Variants in CDKAL1 observed in about 807,000 individuals in gnomAD.
CDKAL1 encodes the protein threonylcarbamoyladenosine tRNA methylthiotransferase.
Under a neutral mutation model 68.2 loss-of-function variants are expected in CDKAL1, and 32 were observed. The observed-to-expected ratio is 0.47, with a 90% confidence interval of 0.35 to 0.63. CDKAL1 has a LOEUF of 0.63. Ranked by LOEUF, CDKAL1 falls within the 30% of genes least tolerant of loss-of-function variation. The pLI is 0.00. For missense variants in CDKAL1, 606 were observed against 696.7 expected, an observed-to-expected ratio of 0.87 and a Z score of 1.47; for synonymous variants, 234 against 244.3, an observed-to-expected ratio of 0.96 and a Z score of 0.39.
intron 12 of CDKAL1, among the ~76,000 whole-genome samples, chr6:21,068,881 A>G (rs1297879402): frequency 6.6e-6 from 1 of 152,130 alleles, no homozygotes; most frequent in African/African-American, 2.4e-5. Context: ...TCTAATTTCT[A>G]TCGATAATGT....
intron 9 of CDKAL1, among the ~76,000 whole-genome samples, chr6:20,868,238 A>G (rs186754513): frequency 1.3e-5 from 2 of 152,296 alleles, no homozygotes; most frequent in East Asian, 3.9e-4. Context: ...CCCCCATTCT[A>G]AAAGTAGTTT....
At chr6:20,672,579 T>C (rs377691562) in intron 5 of CDKAL1, among the ~76,000 whole-genome samples, 7 of 152,122 alleles carry the variant, frequency 4.6e-5, no homozygotes, top group Middle Eastern at 3.2e-3. Flanking sequence ...GGTCTCGAAC[T>C]CCTGGCCTCA....
chr6:20,839,819 G>A (rs141866398), intron 8 of CDKAL1, among the ~76,000 whole-genome samples: 103 of 152,160 alleles, frequency 6.8e-4, no homozygotes, highest in African/African-American at 2.0e-3. Context: ...ACTCCTCCTA[G>A]CTGTGTAGCC....
chr6:21,108,838 A>G (rs1773981432), intron 13 of CDKAL1, among the ~76,000 whole-genome samples: 2 of 152,170 alleles, frequency 1.3e-5, no homozygotes, highest in South Asian at 2.1e-4. Context: ...TTGATTCTTC[A>G]TTCCTCCTGA....
intron 13 of CDKAL1, among the ~76,000 whole-genome samples, chr6:21,125,990 A>G (rs1307977975): frequency 6.6e-6 from 1 of 152,246 alleles, no homozygotes; most frequent in African/African-American, 2.4e-5. Flanking sequence ...AGTGGCTGAC[A>G]CATAACAGAT....
chr6:21,123,714 C>T (rs1339445230), intron 13 of CDKAL1, among the ~76,000 whole-genome samples: 1 of 152,230 alleles, frequency 6.6e-6, no homozygotes, highest in African/African-American at 2.4e-5. Flanking sequence ...CCACTTTTAT[C>T]ACAGACCTAT....
intron 12 of CDKAL1, among the ~76,000 whole-genome samples, chr6:21,066,939 C>G (rs1771477842): frequency 6.6e-6 from 1 of 152,146 alleles, no homozygotes; most frequent in Non-Finnish European, 1.5e-5. Flanking sequence ...CCTTCTTACC[C>G]TTTTTTGTAA....
chr6:21,000,456 C>A (rs1767369146), intron 11 of CDKAL1, 84 bp downstream of exon 11: 1 of 1,203,332 alleles, frequency 8.3e-7, no homozygotes. Flanking sequence ...TGCAGCCTTA[C>A]AATTAAAGGT....
chr6:20,840,451 C>G (rs1050189579), intron 8 of CDKAL1, among the ~76,000 whole-genome samples: 2 of 152,204 alleles, frequency 1.3e-5, no homozygotes, highest in African/African-American at 4.8e-5. Context: ...AGAGCAAATA[C>G]AGCTGCAATT....
At position 20,807,619 on chromosome 6, in the gene CDKAL1, CCTAATAAAA is replaced by C. The variant is rs1191085622; in HGVS notation, c.638+26355_638+26363del. On this transcript the variant is annotated intron_variant, in intron 8 of 15. Transcript: ENST00000274695. ...TTTACTGGAGACTTTGATAATATTTCCTAATAAAATTAATCCAAAATTAATCCAAAATTA... is the reference window on the plus strand; with the variant it reads ...TTTACTGGAGACTTTGATAATATTTCTTAATCCAAAATTAATCCAAAATTA... 2.6e-5 allele frequency among the ~76,000 whole-genome samples: 4 copies of C among 151,820 alleles called. No individual in the cohort carries two copies. In the East Asian group the frequency reaches 7.8e-4, roughly 29 times the overall value.
intron 13 of CDKAL1, among the ~76,000 whole-genome samples, chr6:21,175,920 A>G (rs1348977186): frequency 6.6e-6 from 1 of 152,270 alleles, no homozygotes; most frequent in African/African-American, 2.4e-5. Flanking sequence ...TTGAAGAGGT[A>G]GCATAGCATG....
At chr6:20,950,929 C>T (rs1160720600) in intron 9 of CDKAL1, among the ~76,000 whole-genome samples, 3 of 149,940 alleles carry the variant, frequency 2.0e-5, no homozygotes, top group Non-Finnish European at 4.4e-5. Flanking sequence ...GAGATCGTGC[C>T]ATTGCACTCC....
chr6:20,702,237 G>A (rs895964977), intron 5 of CDKAL1, among the ~76,000 whole-genome samples: 4 of 152,178 alleles, frequency 2.6e-5, no homozygotes, highest in African/African-American at 4.8e-5. Flanking sequence ...CGGGCAGGTC[G>A]TGGGGCTCTG....
At chr6:20,690,076 T>A (rs1770803223) in intron 5 of CDKAL1, among the ~76,000 whole-genome samples, 1 of 152,244 alleles carries the variant, frequency 6.6e-6, no homozygotes. Flanking sequence ...ATAGTTAACA[T>A]GCTAGCATAT....
At chr6:20,618,081 GT>G (rs1289560682) in intron 4 of CDKAL1, among the ~76,000 whole-genome samples, 1 of 152,140 alleles carries the variant, frequency 6.6e-6, no homozygotes, top group African/African-American at 2.4e-5. Flanking sequence ...GGCATCTGTT[GT>G]TTCCTGACTT....
In CDKAL1 at chr6:21,065,147, AT is replaced by A; in HGVS notation, c.1157del (p.Phe386SerfsTer27). 1 of 1,609,724 alleles carries A rather than the reference AT, an allele frequency of 6.2e-7. No individual in the cohort carries two copies. The highest frequency in any genetic ancestry group is 8.5e-7 in the Non-Finnish European group (1 of 1,178,568). Reference protein sequence around the residue: ...ETVKLVEEYKFPSLFINQFYP... With the variant: ...ETVKLVEEYKXPSLFINQFYP... The stretch of plus-strand genomic sequence containing the variant: ...CAGTGAAACTTGTTGAAGAGTACAA[AT>A]TCCCAAGCCTGTTTATTAACCAATT... On this transcript the variant is annotated frameshift_variant, in exon 12 of 16. Transcript: ENST00000274695. LOFTEE classifies it high-confidence loss of function.
At chr6:21,206,435 T>C (rs1479083964) in intron 15 of CDKAL1, among the ~76,000 whole-genome samples, 2 of 152,212 alleles carry the variant, frequency 1.3e-5, no homozygotes, top group Non-Finnish European at 2.9e-5. Flanking sequence ...CTACTAATGT[T>C]CTTTCTTCTT....
chr6:20,832,503 T>C (rs1366197367), intron 8 of CDKAL1, among the ~76,000 whole-genome samples: 1 of 143,322 alleles, frequency 7.0e-6, no homozygotes, highest in Non-Finnish European at 1.5e-5. Context: ...CACGTGAAAA[T>C]AAATTAGCCA....
chr6:20,815,165 G>C (rs1035444761), intron 8 of CDKAL1, among the ~76,000 whole-genome samples: 3 of 152,196 alleles, frequency 2.0e-5, no homozygotes, highest in African/African-American at 7.2e-5. Flanking sequence ...TCTTCTGCCA[G>C]TTGCATTTAG....
Sources: gnomAD v4.1 joint callset for allele counts (sites outside exome capture counted in the v4.1 genomes callset) on GRCh38, gnomAD v4.1.1 for gene constraint, MANE v1.5 for transcripts, NCBI Gene and HGNC (gene_info 2026-07-23, HGNC 2026-07-21) for gene names.